Variants in CEBPZ observed in about 807,000 individuals in gnomAD.
CEBPZ encodes CCAAT enhancer binding protein zeta, also known as CCAAT/enhancer-binding protein zeta.
CEBPZ carries 78 observed loss-of-function variants against 104.5 expected under a neutral mutation model. That is an observed-to-expected ratio of 0.75 (90% confidence interval 0.62 to 0.90). The LOEUF is 0.90. Among genes scored for constraint, CEBPZ ranks in the 40% least tolerant of loss-of-function variants. The pLI is 0.00. For missense variants in CEBPZ, 1,439 were observed against 1,233.5 expected (o/e 1.17, Z -2.50); for synonymous variants, 470 against 427.0 (o/e 1.10, Z -1.24).
At chr2:37,207,273 G>A (rs1677571124) in intron 13 of CEBPZ, among the ~76,000 whole-genome samples, 1 of 152,076 alleles carries the variant, frequency 6.6e-6, no homozygotes. Context: ...AAGAAACAAT[G>A]GACTTAAACT....
chr2:37,203,100 C>G lies in CEBPZ; in HGVS notation c.2885-92G>C, dbSNP rs1437412896. 2.0e-5 allele frequency: 17 copies of G among 852,178 alleles called. No homozygotes were observed. In the Admixed American group the frequency reaches 4.4e-4, roughly 22 times the overall value. 52.8% of individuals were successfully genotyped at this position (852,178 alleles called of 1,614,324 possible). ...ACATGATTTTATTTTAAAAATTATA[C>G]TTGGGTAAAAACAATTGCAATAATC... On this transcript the variant is annotated intron_variant, in intron 13 of 15. Transcript: ENST00000234170.
At chr2:37,223,138 C>G (rs1237419692) in intron 3 of CEBPZ, 32 bp downstream of exon 3, 3 of 1,528,846 alleles carry the variant, frequency 2.0e-6, no homozygotes, top group Non-Finnish European at 2.7e-6. Flanking sequence ...TTTCAGCACC[C>G]ACTCAATTTA....
At chr2:37,208,663 A>G (rs1343881376) in intron 13 of CEBPZ, among the ~76,000 whole-genome samples, 1 of 152,192 alleles carries the variant, frequency 6.6e-6, no homozygotes, top group Non-Finnish European at 1.5e-5. Context: ...AAAGCCATCT[A>G]TGATAAACCC....
chr2:37,230,044 C>CCTTAATA (rs1201104373), intron 1 of CEBPZ, among the ~76,000 whole-genome samples: 2 of 152,008 alleles, frequency 1.3e-5, no homozygotes, highest in African/African-American at 2.4e-5. Context: ...GGGGGAAAAA[C>CCTTAATA]ACGATTAAGG....
At chr2:37,202,031 A>C in intron 15 of CEBPZ, 128 bp from the exon 16 acceptor site, 5 of 628,650 alleles carry the variant, frequency 8.0e-6, no homozygotes, top group Non-Finnish European at 1.1e-5. Flanking sequence ...CCACTATACA[A>C]ACCCACTGCT....
chr2:37,205,546 G>A (rs922599958), intron 13 of CEBPZ, among the ~76,000 whole-genome samples: 12 of 151,910 alleles, frequency 7.9e-5, no homozygotes, highest in African/African-American at 2.7e-4. Flanking sequence ...CTCTCTTTTC[G>A]GACTCAGCCC....
In CEBPZ at chr2:37,231,531, T is replaced by C. The variant is rs1665105951; in HGVS notation, c.37A>G (p.Lys13Glu). 1 of 1,614,240 alleles carries C rather than the reference T, an allele frequency of 6.2e-7. No individual in the cohort carries two copies. Among genetic ancestry groups the C allele is most frequent in the African/African-American group, 1.3e-5 (1 of 75,072 alleles). Reference protein sequence around the residue: ...AVKEPLEFHAKRPWRPEEAVE... With the variant: ...AVKEPLEFHAERPWRPEEAVE... The stretch of plus-strand genomic sequence containing the variant: ...GCCTCCTCGGGGCGCCAAGGCCGCT[T>C]GGCATGGAACTCCAAAGGCTCCTTG... The change falls in exon 1 of 16, where the codon AAG becomes GAG. Residue 13 changes from lysine to glutamate, a missense_variant. Coordinates refer to ENST00000234170, the MANE Select transcript of CEBPZ (RefSeq NM_005760.3).
At position 37,205,139 on chromosome 2, in the gene CEBPZ, T is replaced by C. The variant is rs75355833; in HGVS notation, c.2885-2131A>G. Among the ~76,000 whole-genome samples the C allele has an allele frequency of 3.2e-3, 480 of 152,352 alleles. 17 individuals carry two copies. The East Asian group carries it at 0.084, about 27-fold the overall frequency. On this transcript the variant is annotated intron_variant, in intron 13 of 15. Transcript: ENST00000234170. Reference sequence around the variant, plus strand: ...TCATAGTTATTACAGGACTAAGAAATTGACAGCAGTATTTGAAAGAGCTGA... The same window carrying C: ...TCATAGTTATTACAGGACTAAGAAACTGACAGCAGTATTTGAAAGAGCTGA...
At chr2:37,206,188 G>A (rs967573353) in intron 13 of CEBPZ, among the ~76,000 whole-genome samples, 2 of 152,186 alleles carry the variant, frequency 1.3e-5, no homozygotes, top group Non-Finnish European at 2.9e-5. Context: ...CAGGACTAAC[G>A]TGCAGCTCCC....
At position 37,228,423 on chromosome 2, in the gene CEBPZ, T is replaced by G; in HGVS notation, c.770A>C (p.Asp257Ala). The change falls in exon 2 of 16, where the codon GAT becomes GCT. Residue 257 changes from aspartate to alanine, a missense_variant. Coordinates refer to ENST00000234170, the MANE Select transcript of CEBPZ (RefSeq NM_005760.3). Reference sequence around the variant, plus strand: ...AAACTGAAGTGTGTGAACGGCATCATCCTGAATAAGAAGAATCATGGCTGC... The same window carrying G: ...AAACTGAAGTGTGTGAACGGCATCAGCCTGAATAAGAAGAATCATGGCTGC... Reference protein sequence around the residue: ...RMAAMILLIQDDAVHTLQFVE... With the variant: ...RMAAMILLIQADAVHTLQFVE... The G allele has an allele frequency of 6.2e-7, 1 of 1,614,216 alleles. No individual in the cohort carries two copies. Among genetic ancestry groups the G allele is most frequent in the South Asian group, 1.1e-5 (1 of 91,082 alleles).
At chr2:37,225,632 G>C (rs1558477437) in intron 2 of CEBPZ, among the ~76,000 whole-genome samples, 2 of 64,422 alleles carry the variant, frequency 3.1e-5, no homozygotes, top group African/African-American at 6.1e-5. Context: ...AGGGACCTCT[G>C]CCTAGGAAAG....
At position 37,213,887 on chromosome 2, in the gene CEBPZ, T is replaced by C. The variant is rs760220755; in HGVS notation, c.2522A>G (p.Asp841Gly). 11 of 1,607,830 alleles carry C rather than the reference T, an allele frequency of 6.8e-6. No homozygotes were observed. The highest frequency in any genetic ancestry group is 8.5e-6 in the Non-Finnish European group (10 of 1,177,366). ...ADEESIEDVD[D>G]EEFEELIDTF... Reference sequence around the variant, plus strand: ...ACCAATCAGCTCTTCAAATTCTTCATCATCCACGTCTTCTATACTTTCTTC... The same window carrying C: ...ACCAATCAGCTCTTCAAATTCTTCACCATCCACGTCTTCTATACTTTCTTC... The change falls in exon 10 of 16, where the codon GAT (aspartate) becomes GGT (glycine). Residue 841 changes from aspartate to glycine, a missense_variant. Asp to Gly is a moderately conservative substitution (Grantham distance 94, BLOSUM62 -1). Coordinates refer to ENST00000234170, the MANE Select transcript of CEBPZ (RefSeq NM_005760.3).
At chr2:37,213,039 T>C (rs1028542170) in intron 10 of CEBPZ, among the ~76,000 whole-genome samples, 4 of 152,000 alleles carry the variant, frequency 2.6e-5, no homozygotes, top group Non-Finnish European at 5.9e-5. Flanking sequence ...AGAGAGAGCC[T>C]GTCTCAAAAC....
In CEBPZ at chr2:37,228,063, G is replaced by C; in HGVS notation, c.1130C>G (p.Pro377Arg). 1 of 1,614,142 alleles carries C rather than the reference G, an allele frequency of 6.2e-7. No individual in the cohort carries two copies. The highest frequency in any genetic ancestry group is 1.1e-5 in the South Asian group (1 of 91,080). ...TVAHELLCNK[P>R]EEEKALLVQV... is the part of the protein sequence containing the mutation. ...CACAAGAAGAGCCTTTTCTTCCTCA[G>C]GCTTGTTACAAAGCAGCTCATGAGC... is the stretch of plus-strand genomic sequence containing the variant. Residue 377 changes from proline to arginine, a missense_variant, in exon 2 of 16, where the codon CCT becomes CGT. Coordinates refer to ENST00000234170, the MANE Select transcript of CEBPZ (RefSeq NM_005760.3).
rs1212606501 is a variant in CEBPZ, at chr2:37,222,581, T to C, written c.1882-18A>G. On this transcript the variant is annotated intron_variant, in intron 3 of 15. Coordinates refer to ENST00000234170, the MANE Select transcript of CEBPZ (RefSeq NM_005760.3). ...TCAGACTCCTAACAAAAGTATAGTTTCATAAATCTACATAAATCAACTGGA... is the reference window on the plus strand; with the variant it reads ...TCAGACTCCTAACAAAAGTATAGTTCCATAAATCTACATAAATCAACTGGA... 2 of 1,538,896 alleles carry C rather than the reference T, an allele frequency of 1.3e-6. No homozygotes were observed. Among genetic ancestry groups the C allele is most frequent in the Non-Finnish European group, 1.8e-6 (2 of 1,140,612 alleles).
At chr2:37,215,246 AC>A in intron 8 of CEBPZ, 1 of 237,184 alleles carries the variant, frequency 4.2e-6, no homozygotes, top group Non-Finnish European at 8.1e-6. Flanking sequence ...TGCATCCAGG[AC>A]CCAACTTTCA....
rs1677349600 is a variant in CEBPZ at position 37,202,968 on chromosome 2, T to C, written c.2925A>G (p.Leu975=). 1 of 1,565,070 alleles carries C rather than the reference T, an allele frequency of 6.4e-7. No homozygotes were observed. Among genetic ancestry groups the C allele is most frequent in the Non-Finnish European group, 8.6e-7 (1 of 1,158,692 alleles). Residue 975 remains leucine (L), a synonymous_variant, in exon 14 of 16, where the codon CTA becomes CTG. Transcript: ENST00000234170. ...GCCTTACCTCTTCAGCAGATACAAA[T>C]AGGCTGGAATCATTTAAGTTTCTTT... ...KKKRNLNDSS[L]FVSAEEFGHL...
At chr2:37,213,611 A>C (rs965417780) in intron 10 of CEBPZ, 4 of 310,730 alleles carry the variant, frequency 1.3e-5, no homozygotes, top group African/African-American at 2.3e-5. Flanking sequence ...ACAGGGTTTC[A>C]CCATATTGGC....
In CEBPZ at chr2:37,212,029, T is replaced by C; in HGVS notation, c.2614A>G (p.Lys872Glu). 1 of 1,577,838 alleles carries C rather than the reference T, an allele frequency of 6.3e-7. No individual in the cohort carries two copies. Among genetic ancestry groups the C allele is most frequent in the South Asian group, 1.2e-5 (1 of 84,610 alleles). ...TTATCCTTAGCTCCTTTTGTTCTCT[T>C]TTTCACGTTTCTGGAAAAAAACACA... ...DDMDFAGNVK[K>E]RTKGAKDNTL... is the part of the protein sequence containing the mutation. Residue 872 changes from lysine to glutamate, a missense_variant, in exon 12 of 16, where the codon AAG becomes GAG. By Grantham distance (56) the Lys-to-Glu change is moderately conservative. Coordinates refer to ENST00000234170, the MANE Select transcript of CEBPZ (RefSeq NM_005760.3).
Sources: allele counts gnomAD v4.1 joint callset (sites outside exome capture counted in the v4.1 genomes callset), GRCh38; gene constraint gnomAD v4.1.1; transcripts MANE v1.5; gene names NCBI Gene and HGNC (gene_info 2026-07-23, HGNC 2026-07-21).